ZMAT4: variants seen among roughly 807,000 people sequenced by gnomAD.
ZMAT4 encodes the protein zinc finger matrin-type protein 4.
A neutral mutation model predicts 28.7 loss-of-function variants in ZMAT4; 17 were observed. The ratio of observed to expected loss-of-function variants is 0.59; its 90% CI spans 0.41 to 0.89. The LOEUF (loss-of-function observed/expected upper bound fraction) is 0.89. Among genes scored for constraint, ZMAT4 ranks in the 40% least tolerant of loss-of-function variants. ZMAT4 has a pLI of 0.00. For synonymous variants in ZMAT4, 117 were observed against 109.2 expected (o/e 1.07, Z -0.44); for missense variants, 240 against 283.8 (o/e 0.85, Z 1.11).
intron 1 of ZMAT4, among the ~76,000 whole-genome samples, chr8:40,847,661 CA>C (rs1816957231): frequency 6.6e-6 from 1 of 152,188 alleles, no homozygotes; most frequent in Non-Finnish European, 1.5e-5. Flanking sequence ...TTGCAGATCA[CA>C]GACTGCTTTC....
At chr8:40,828,809 A>G (rs1816172457) in intron 1 of ZMAT4, among the ~76,000 whole-genome samples, 1 of 152,144 alleles carries the variant, frequency 6.6e-6, no homozygotes, top group African/African-American at 2.4e-5. Flanking sequence ...AGGTCACTTT[A>G]GACAACCAGA....
chr8:40,782,805 C>A (rs1232519095), intron 2 of ZMAT4, among the ~76,000 whole-genome samples: 1 of 152,142 alleles, frequency 6.6e-6, no homozygotes, highest in Non-Finnish European at 1.5e-5. Flanking sequence ...AAGATACTCA[C>A]CATCACTGGT....
At chr8:40,710,003 A>G (rs1810533209) in intron 3 of ZMAT4, among the ~76,000 whole-genome samples, 1 of 149,382 alleles carries the variant, frequency 6.7e-6, no homozygotes, top group Non-Finnish European at 1.5e-5. Context: ...GTGCCATTGC[A>G]CTCCAGCCTG....
intron 5 of ZMAT4, among the ~76,000 whole-genome samples, chr8:40,602,154 G>A (rs1481328409): frequency 6.6e-6 from 1 of 152,090 alleles, no homozygotes; most frequent in East Asian, 1.9e-4. Flanking sequence ...TTAGAATAAT[G>A]TCCTGCAATT....
chr8:40,646,517 A>G (rs1301029080), intron 5 of ZMAT4, among the ~76,000 whole-genome samples: 2 of 152,142 alleles, frequency 1.3e-5, no homozygotes, highest in Non-Finnish European at 2.9e-5. Context: ...TCGATTATAT[A>G]GTTGACAGTG....
At chr8:40,608,200 G>C (rs542430986) in intron 5 of ZMAT4, among the ~76,000 whole-genome samples, 1 of 152,130 alleles carries the variant, frequency 6.6e-6, no homozygotes, top group Non-Finnish European at 1.5e-5. Flanking sequence ...TCAGATGGGG[G>C]CAGGATTAGG....
chr8:40,553,493 T>A (rs1003176200), intron 6 of ZMAT4, among the ~76,000 whole-genome samples: 15 of 152,050 alleles, frequency 9.9e-5, no homozygotes, highest in Admixed American at 6.6e-4. Context: ...GCCAAAAAAA[T>A]TTTTCAACAC....
intron 3 of ZMAT4, among the ~76,000 whole-genome samples, chr8:40,754,095 C>T (rs1812571150): frequency 6.6e-6 from 1 of 151,884 alleles, no homozygotes; most frequent in Non-Finnish European, 1.5e-5. Flanking sequence ...TTGATTGAAC[C>T]CGGGAGGCAG....
intron 1 of ZMAT4, among the ~76,000 whole-genome samples, chr8:40,849,932 A>C (rs936254878): frequency 6.6e-6 from 1 of 151,432 alleles, no homozygotes; most frequent in Non-Finnish European, 1.5e-5. Flanking sequence ...TACCTGGCAC[A>C]ACCATTCACC....
At chr8:40,552,054 T>C (rs1803384354) in intron 6 of ZMAT4, among the ~76,000 whole-genome samples, 1 of 152,208 alleles carries the variant, frequency 6.6e-6, no homozygotes, top group African/African-American at 2.4e-5. Flanking sequence ...AGGGCCATAA[T>C]GGCATCTAAT....
At chr8:40,760,240 C>G (rs1812868807) in intron 3 of ZMAT4, among the ~76,000 whole-genome samples, 1 of 152,218 alleles carries the variant, frequency 6.6e-6, no homozygotes, top group Non-Finnish European at 1.5e-5. Context: ...CCGTGCTTTA[C>G]TTCTCCAAGT....
At chr8:40,879,147 T>C (rs1324791641) in intron 1 of ZMAT4, among the ~76,000 whole-genome samples, 1 of 152,090 alleles carries the variant, frequency 6.6e-6, no homozygotes, top group Non-Finnish European at 1.5e-5. Flanking sequence ...TTCAGCCGAG[T>C]ATGGTGGTGC....
At chr8:40,648,263 G>A (rs867177372) in intron 5 of ZMAT4, among the ~76,000 whole-genome samples, 2 of 151,962 alleles carry the variant, frequency 1.3e-5, no homozygotes, top group Non-Finnish European at 2.9e-5. Flanking sequence ...AGGCTCAAGA[G>A]CTACGTGAAG....
chr8:40,534,348 A>G (rs1294565072), intron 6 of ZMAT4, among the ~76,000 whole-genome samples: 3 of 152,252 alleles, frequency 2.0e-5, no homozygotes, highest in Non-Finnish European at 4.4e-5. Flanking sequence ...TTTCACTGCT[A>G]TTAATAAACA....
intron 3 of ZMAT4, among the ~76,000 whole-genome samples, chr8:40,723,542 CAAA>C (rs58513087): frequency 1.3e-4 from 9 of 66,860 alleles, no homozygotes; most frequent in African/African-American, 5.3e-4. Flanking sequence ...GATTCCATCT[CAAA>C]AAAAAAAAAA....
At chr8:40,874,479 C>T (rs1817972511) in intron 1 of ZMAT4, among the ~76,000 whole-genome samples, 1 of 152,204 alleles carries the variant, frequency 6.6e-6, no homozygotes, top group Admixed American at 6.5e-5. Flanking sequence ...CCTACTTCCC[C>T]AATGGAATGA....
intron 1 of ZMAT4, among the ~76,000 whole-genome samples, chr8:40,877,596 C>A (rs552148609): frequency 6.6e-6 from 1 of 152,002 alleles, no homozygotes; most frequent in South Asian, 2.1e-4. Context: ...TATTTAAATG[C>A]TAAAAAAATG....
chr8:40,889,494 A>T (rs770082565), intron 1 of ZMAT4, among the ~76,000 whole-genome samples: 4 of 152,224 alleles, frequency 2.6e-5, no homozygotes, highest in Non-Finnish European at 5.9e-5. Flanking sequence ...TTTGGATAGC[A>T]CAAAAAAGTT....
Position 40,699,052 on chromosome 8 carries a change from C to G in ZMAT4, c.193-1651G>C, listed in dbSNP as rs561174995. 2.6e-5 allele frequency among the ~76,000 whole-genome samples: 4 copies of G among 152,188 alleles called. No homozygotes were observed. The East Asian group carries it at 7.7e-4, about 29-fold the overall frequency. On this transcript the variant is annotated intron_variant, in intron 3 of 6. Transcript: ENST00000297737. ...AATACTTTTAGTTCTGTGTGGAATA[C>G]TATGGAAATGAAATGGACCTGGAGG...
Sources: allele counts gnomAD v4.1 joint callset (sites outside exome capture counted in the v4.1 genomes callset), GRCh38; gene constraint gnomAD v4.1.1; transcripts MANE v1.5; gene names NCBI Gene and HGNC (gene_info 2026-07-23, HGNC 2026-07-21).